The following CHODL variants were observed in gnomAD, a reference collection of about 807,000 sequenced individuals.
CHODL encodes the protein transmembrane protein MT75.
In CHODL, 29 loss-of-function variants were observed where a neutral mutation model predicts 34.5. That is an observed-to-expected ratio of 0.84 (90% CI 0.63 to 1.15). The LOEUF is 1.15. Ranked by LOEUF, CHODL falls within the 50% of genes most tolerant of loss-of-function variation. The pLI, the probability that CHODL is intolerant of heterozygous loss-of-function variation, is 0.00. For missense variants in CHODL, 332 were observed against 332.5 expected, an observed-to-expected ratio of 1.00 and a Z score of 0.01; for synonymous variants, 125 against 116.1, an observed-to-expected ratio of 1.08 and a Z score of -0.49.
chr21:18,125,284 T>C (rs2065528341), intron 2 of CHODL, among the ~76,000 whole-genome samples: 1 of 152,240 alleles, frequency 6.6e-6, no homozygotes, highest in African/African-American at 2.4e-5. Context: ...CAGTCACCCA[T>C]TCAGTAAATA....
At chr21:18,237,548 A>G (rs1265041039) in intron 2 of CHODL, among the ~76,000 whole-genome samples, 1 of 152,132 alleles carries the variant, frequency 6.6e-6, no homozygotes, top group African/African-American at 2.4e-5. Flanking sequence ...GTGTGGAAGA[A>G]AGGAGAATAT....
At chr21:18,049,501 A>G (rs1024508172) in intron 2 of CHODL, among the ~76,000 whole-genome samples, 5 of 151,996 alleles carry the variant, frequency 3.3e-5, no homozygotes, top group Admixed American at 3.3e-4. Context: ...CAATTATATT[A>G]GTTTGCTAGG....
intron 1 of CHODL, among the ~76,000 whole-genome samples, chr21:17,963,173 T>C (rs1172529792): frequency 6.6e-6 from 1 of 152,186 alleles, no homozygotes; most frequent in Non-Finnish European, 1.5e-5. Context: ...CATTCTCTTA[T>C]TCCATTTGGA....
rs571154604 is a variant in CHODL, at chr21:18,195,010, T to C, written c.-44-61499T>C. Among the ~76,000 whole-genome samples, 3 of 150,950 alleles carry C rather than the reference T, an allele frequency of 2.0e-5. No individual in the cohort carries two copies. In the East Asian group the frequency reaches 5.9e-4, roughly 29 times the overall value. ...TTGCAATTTTCAAGAATACAATACA[T>C]TGTTATTAATACAATACATTATTTA... On this transcript the variant is annotated intron_variant, in intron 2 of 6. Coordinates refer to the CHODL transcript ENST00000400127.
chr21:18,156,272 G>C (rs2073033916), intron 2 of CHODL, among the ~76,000 whole-genome samples: 1 of 152,166 alleles, frequency 6.6e-6, no homozygotes, highest in East Asian at 1.9e-4. Context: ...TTGGCCTACA[G>C]ATTCAGGATT....
At position 17,948,582 on chromosome 21, in the gene CHODL, C is replaced by T. The variant is rs1416851626; in HGVS notation, c.-145+31182C>T. Among the ~76,000 whole-genome samples the T allele has an allele frequency of 2.0e-5, 3 of 151,968 alleles. No individual in the cohort carries two copies. In the East Asian group the frequency reaches 5.8e-4, roughly 29 times the overall value. ...ATAGCAGGTAAAAAAGAAGACATTA[C>T]AACTACAGAAATATAAAGGATCATA... On this transcript the variant is annotated intron_variant, in intron 1 of 6. Transcript: ENST00000400127.
intron 2 of CHODL, among the ~76,000 whole-genome samples, chr21:18,136,642 C>T (rs926062062): frequency 6.7e-6 from 1 of 149,998 alleles, no homozygotes; most frequent in African/African-American, 2.4e-5. Flanking sequence ...CACATATACA[C>T]GTTGGGGCCA....
chr21:18,090,872 C>G (rs112616843), intron 2 of CHODL, among the ~76,000 whole-genome samples: 9 of 152,060 alleles, frequency 5.9e-5, no homozygotes, highest in African/African-American at 1.9e-4. Context: ...AGTAAAGCAC[C>G]ACCACAAGAA....
At chr21:18,146,870 A>T (rs1356608722) in intron 2 of CHODL, among the ~76,000 whole-genome samples, 1 of 152,066 alleles carries the variant, frequency 6.6e-6, no homozygotes, top group Non-Finnish European at 1.5e-5. Context: ...TGGCTTTTCT[A>T]GTGTTTCTGA....
chr21:18,046,732 A>C (rs1475820358), intron 2 of CHODL, among the ~76,000 whole-genome samples: 2 of 151,980 alleles, frequency 1.3e-5, no homozygotes. Flanking sequence ...TTGCTCAAAA[A>C]ATGAATATAT....
chr21:18,036,096 A>G (rs1365987386), intron 2 of CHODL, among the ~76,000 whole-genome samples: 1 of 151,982 alleles, frequency 6.6e-6, no homozygotes, highest in Non-Finnish European at 1.5e-5. Flanking sequence ...TGTTTTATCT[A>G]TTAGAGTCTT....
intron 1 of CHODL, among the ~76,000 whole-genome samples, chr21:17,988,714 C>A (rs1005595983): frequency 1.3e-4 from 20 of 150,676 alleles, no homozygotes; most frequent in Non-Finnish European, 1.9e-4. Flanking sequence ...CATGTCCCTA[C>A]AAAGGACATG....
At chr21:18,021,767 C>T (rs564267757) in intron 1 of CHODL, among the ~76,000 whole-genome samples, 3 of 27,824 alleles carry the variant, frequency 1.1e-4, no homozygotes, top group Non-Finnish European at 1.9e-4. Context: ...AAAAACAGCC[C>T]TTCATGAGTG....
intron 1 of CHODL, among the ~76,000 whole-genome samples, chr21:17,962,334 G>A (rs112174825): frequency 0.026 from 3,887 of 152,270 alleles, 101 homozygotes; most frequent in Middle Eastern, 0.054. Flanking sequence ...CATTGAGGGT[G>A]TAATCAATGC....
intron 2 of CHODL, among the ~76,000 whole-genome samples, chr21:18,202,634 G>C (rs1026654605): frequency 6.6e-6 from 1 of 151,456 alleles, no homozygotes; most frequent in Non-Finnish European, 1.5e-5. Context: ...TGTTGTTTAA[G>C]CCATCCAGTC....
Position 18,139,262 on chromosome 21 carries a change from A to G in CHODL, c.-45+111291A>G, listed in dbSNP as rs189575840. ...GCAAGCGGAAGACTGTGATTTAGGG[A>G]TGGGATATAAAGAGGTTCAGCAATG... On this transcript the variant is annotated intron_variant, in intron 2 of 6. Transcript: ENST00000400127. Among the ~76,000 whole-genome samples, 66 of 151,916 alleles carry G rather than the reference A, an allele frequency of 4.3e-4. 1 individual carries two copies. The East Asian group carries it at 0.012, about 28-fold the overall frequency.
At chr21:18,221,100 A>C (rs1442919255) in intron 2 of CHODL, among the ~76,000 whole-genome samples, 1 of 151,878 alleles carries the variant, frequency 6.6e-6, no homozygotes, top group Non-Finnish European at 1.5e-5. Context: ...TCTTTTTTTT[A>C]GTCTAATTGG....
chr21:18,171,143 A>T, intron 2 of CHODL, among the ~76,000 whole-genome samples: 1 of 81,728 alleles, frequency 1.2e-5, no homozygotes, highest in Non-Finnish European at 2.7e-5. Context: ...AGTCTGTTTT[A>T]TGAGACATTG....
intron 1 of CHODL, among the ~76,000 whole-genome samples, chr21:17,952,532 C>T (rs2063466964): frequency 1.3e-5 from 2 of 151,680 alleles, no homozygotes; most frequent in South Asian, 4.2e-4. Flanking sequence ...TAAATGAAAC[C>T]CACGCTAATA....
Sources: gnomAD v4.1 joint callset for allele counts (sites outside exome capture counted in the v4.1 genomes callset) on GRCh38, gnomAD v4.1.1 for gene constraint, MANE v1.5 for transcripts, NCBI Gene and HGNC (gene_info 2026-07-23, HGNC 2026-07-21) for gene names.